The following ZFHX3 variants were observed in gnomAD, a reference collection of about 807,000 sequenced individuals.
ZFHX3 encodes the protein zinc finger homeobox protein 3.
In ZFHX3, 42 loss-of-function variants were observed where a neutral mutation model predicts 279.1. The observed-to-expected ratio is 0.15, with a 90% CI of 0.12 to 0.19. ZFHX3 has a LOEUF of 0.19. ZFHX3 is among the 10% of genes least tolerant of loss of function. The pLI is 1.00. For synonymous variants in ZFHX3, 2,293 were observed against 1,957.8 expected (o/e 1.17, Z -4.52); for missense variants, 4,981 against 4,754.0 (o/e 1.05, Z -1.40).
At chr16:73,702,415 G>C (rs911093520) in intron 1 of ZFHX3, among the ~76,000 whole-genome samples, 1 of 152,196 alleles carries the variant, frequency 6.6e-6, no homozygotes, top group African/African-American at 2.4e-5. Flanking sequence ...ACTGTGATGA[G>C]TGGCGGTGTT....
At position 73,661,632 on chromosome 16, in the gene ZFHX3, G is replaced by C. The variant is rs189607347; in HGVS notation, c.-1547+18548C>G. Reference sequence around the variant, plus strand: ...AGCTACTTGTGAGGCTGAGGCAGGAGAATCACTTGAACCCGGGAGGTGAAG... The same window carrying C: ...AGCTACTTGTGAGGCTGAGGCAGGACAATCACTTGAACCCGGGAGGTGAAG... On this transcript the variant is annotated intron_variant, in intron 2 of 17. Coordinates refer to the ZFHX3 transcript ENST00000641206. Among the ~76,000 whole-genome samples the C allele has an allele frequency of 3.9e-4, 58 of 149,220 alleles. 1 individual carries two copies. The South Asian group carries it at 0.012, about 30-fold the overall frequency.
chr16:73,469,200 G>T (rs2143598206), intron 2 of ZFHX3, among the ~76,000 whole-genome samples: 1 of 152,270 alleles, frequency 6.6e-6, no homozygotes, highest in African/African-American at 2.4e-5. Flanking sequence ...GGAGAGCCAA[G>T]AAATCCTAGA....
intron 2 of ZFHX3, among the ~76,000 whole-genome samples, chr16:73,586,685 G>C (rs1002528443): frequency 2.0e-5 from 3 of 151,992 alleles, no homozygotes; most frequent in African/African-American, 4.8e-5. Context: ...CTTTGATGAA[G>C]GTTTTAACTC....
chr16:72,788,694 T>C lies in ZFHX3; in HGVS notation c.9582A>G (p.Gln3194=), dbSNP rs28592888. The change falls in exon 10 of 10, where the codon CAA becomes CAG. Residue 3194 remains glutamine (Q), a synonymous_variant. Coordinates refer to ENST00000268489, the MANE Select transcript of ZFHX3 (RefSeq NM_006885.4). The part of the protein sequence containing the change: ...AQATMAMGPQ[Q]PPQQQQQQQQ... Reference sequence around the variant, plus strand: ...GCTGCTGCTGCTGCTGCTGGGGGGGTTGCTGAGGGCCCATCGCCATCGTGG... The same window carrying C: ...GCTGCTGCTGCTGCTGCTGGGGGGGCTGCTGAGGGCCCATCGCCATCGTGG... 2.5e-6 allele frequency: 4 copies of C among 1,611,620 alleles called. No individual in the cohort carries two copies. Among genetic ancestry groups the C allele is most frequent in the Non-Finnish European group, 3.4e-6 (4 of 1,179,224 alleles).
intron 5 of ZFHX3, among the ~76,000 whole-genome samples, chr16:73,171,850 C>T (rs994217415): frequency 1.3e-5 from 2 of 152,176 alleles, no homozygotes; most frequent in East Asian, 1.9e-4. Flanking sequence ...ATGCCCTCCT[C>T]AACTGTTCCC....
At chr16:73,830,870 G>C (rs1273237416) in intron 1 of ZFHX3, among the ~76,000 whole-genome samples, 1 of 152,150 alleles carries the variant, frequency 6.6e-6, no homozygotes, top group East Asian at 1.9e-4. Flanking sequence ...AAGCCAGCAA[G>C]TTCAAAATCT....
At chr16:73,201,692 A>G (rs1453741950) in intron 5 of ZFHX3, among the ~76,000 whole-genome samples, 1 of 152,232 alleles carries the variant, frequency 6.6e-6, no homozygotes, top group Non-Finnish European at 1.5e-5. Flanking sequence ...AGAAGAGAGA[A>G]GCTGAAAAAT....
At chr16:72,965,689 G>C (rs1019341609) in intron 1 of ZFHX3, among the ~76,000 whole-genome samples, 18 of 152,130 alleles carry the variant, frequency 1.2e-4, no homozygotes, top group Non-Finnish European at 2.1e-4. Flanking sequence ...CAAGAGAAGG[G>C]GAAAGAGTGA....
intron 7 of ZFHX3, chr16:73,093,907 G>A (rs953700207): frequency 4.7e-6 from 1 of 212,966 alleles, no homozygotes; most frequent in Non-Finnish European, 9.7e-6. Flanking sequence ...CTGGGGCGGT[G>A]GTGCAGACAG....
chr16:73,613,882 C>T (rs867986471), intron 2 of ZFHX3, among the ~76,000 whole-genome samples: 54 of 152,172 alleles, frequency 3.5e-4, no homozygotes, highest in Admixed American at 1.3e-3. Flanking sequence ...GCGGTCACAG[C>T]GCTACCAATG....
chr16:73,157,255 T>C (rs183577989), intron 5 of ZFHX3, among the ~76,000 whole-genome samples: 11 of 152,194 alleles, frequency 7.2e-5, no homozygotes, highest in East Asian at 1.9e-4. Flanking sequence ...ATGGTGCCTC[T>C]TAAGTCCTGG....
chr16:73,189,528 C>T (rs949513312), intron 5 of ZFHX3, among the ~76,000 whole-genome samples: 10 of 152,280 alleles, frequency 6.6e-5, no homozygotes, highest in African/African-American at 9.6e-5. Flanking sequence ...CTAAATATGC[C>T]GGCTGCTTAT....
chr16:73,207,867 C>T (rs1472620723), intron 5 of ZFHX3, among the ~76,000 whole-genome samples: 5 of 152,072 alleles, frequency 3.3e-5, no homozygotes, highest in Non-Finnish European at 2.9e-5. Flanking sequence ...GTGTAAATTG[C>T]GCCAACGTTT....
chr16:73,397,317 G>A (rs2017150927), intron 3 of ZFHX3, among the ~76,000 whole-genome samples: 1 of 152,222 alleles, frequency 6.6e-6, no homozygotes, highest in Non-Finnish European at 1.5e-5. Flanking sequence ...ATTAACTTGT[G>A]TCTGAGGAAT....
At chr16:73,199,500 C>T (rs1287945386) in intron 5 of ZFHX3, among the ~76,000 whole-genome samples, 3 of 152,174 alleles carry the variant, frequency 2.0e-5, no homozygotes, top group East Asian at 1.9e-4. Context: ...AATGAAACTG[C>T]GTCCTTGGGA....
intron 2 of ZFHX3, among the ~76,000 whole-genome samples, chr16:73,525,047 G>GA (rs959383669): frequency 3.3e-5 from 5 of 151,938 alleles, no homozygotes; most frequent in Non-Finnish European, 5.9e-5. Flanking sequence ...AAGACACAAG[G>GA]AAAAAAAATT....
chr16:73,134,584 C>T (rs1351401505), intron 6 of ZFHX3: 1 of 152,064 alleles, frequency 6.6e-6, no homozygotes, highest in Non-Finnish European at 1.5e-5. Flanking sequence ...ATCCTCCTGC[C>T]TCAGGCTCCC....
intron 1 of ZFHX3, among the ~76,000 whole-genome samples, chr16:73,723,961 T>C (rs1186875903): frequency 6.6e-6 from 1 of 152,154 alleles, no homozygotes; most frequent in Non-Finnish European, 1.5e-5. Context: ...GCATAGTAGA[T>C]CGCCTTTGGT....
At chr16:73,028,447 G>A (rs1323590702) in intron 1 of ZFHX3, among the ~76,000 whole-genome samples, 2 of 152,174 alleles carry the variant, frequency 1.3e-5, no homozygotes, top group African/African-American at 4.8e-5. Flanking sequence ...AGAGCCCGGG[G>A]CAGTGTGATG....
Sources: gnomAD v4.1 joint callset for allele counts (sites outside exome capture counted in the v4.1 genomes callset) on GRCh38, gnomAD v4.1.1 for gene constraint, MANE v1.5 for transcripts, NCBI Gene and HGNC (gene_info 2026-07-23, HGNC 2026-07-21) for gene names.